ARMH1: variants seen among roughly 807,000 people sequenced by gnomAD.
The protein encoded by ARMH1 is armadillo like helical domain containing 1.
A neutral mutation model predicts 50.2 loss-of-function variants in ARMH1; 34 were observed. That is an observed-to-expected ratio of 0.68 (90% CI 0.51 to 0.90). ARMH1 has a LOEUF of 0.90. Among genes scored for constraint, ARMH1 ranks in the 40% least tolerant of loss-of-function variants. The pLI, the probability that ARMH1 is intolerant of heterozygous loss-of-function variation, is 0.00. For synonymous variants in ARMH1, 221 were observed against 224.2 expected, an observed-to-expected ratio of 0.99 and a Z score of 0.13; for missense variants, 538 against 553.9, an observed-to-expected ratio of 0.97 and a Z score of 0.29.
intron 1 of ARMH1, among the ~76,000 whole-genome samples, chr1:44,679,650 T>A (rs60469789): frequency 0.039 from 5,950 of 152,340 alleles, 294 homozygotes; most frequent in East Asian, 0.15. Context: ...CATTGCTGTT[T>A]CCTGTCATAG....
Position 44,724,712 on chromosome 1 carries a change from C to G in ARMH1, c.1050+44C>G. 1 of 1,490,050 alleles carries G rather than the reference C, an allele frequency of 6.7e-7. No homozygotes were observed. Among genetic ancestry groups the G allele is most frequent in the Non-Finnish European group, 8.9e-7 (1 of 1,126,694 alleles). 92.3% of individuals were successfully genotyped at this position (1,490,050 alleles called of 1,614,324 possible). ...TAGGGGGCGGGAAGGGCGGCGGCACCCGCAGCCCCGTCGCCCCCGCAGTCA... is the reference window on the plus strand; with the variant it reads ...TAGGGGGCGGGAAGGGCGGCGGCACGCGCAGCCCCGTCGCCCCCGCAGTCA... On this transcript the variant is annotated intron_variant, in intron 9 of 11. Transcript: ENST00000535358. The surrounding 1 kb of genome is among the most constrained non-coding windows in gnomAD (Gnocchi z 6.4).
chr1:44,722,333 C>T (rs1357852971), intron 6 of ARMH1, among the ~76,000 whole-genome samples: 1 of 151,994 alleles, frequency 6.6e-6, no homozygotes, highest in Non-Finnish European at 1.5e-5. Flanking sequence ...GTAGGAGGAT[C>T]GCTTGAGCCC....
In ARMH1 at chr1:44,681,197, G is replaced by A. The variant is rs766590465; in HGVS notation, c.-23+6324G>A. On this transcript the variant is annotated intron_variant, in intron 1 of 11. Coordinates refer to ENST00000535358, the MANE Select transcript of ARMH1 (RefSeq NM_001145636.2). The surrounding 1 kb of genome is among the most constrained non-coding windows in gnomAD (Gnocchi z 4.3). ...TTTTTAGTAGAGAGGGGGTTTCACC[G>A]TGTTAGCCAGGATGGTCTCGATCTC... Among the ~76,000 whole-genome samples, 20 of 151,750 alleles carry A rather than the reference G, an allele frequency of 1.3e-4. No individual in the cohort carries two copies. The highest frequency in any genetic ancestry group is 2.6e-4 in the Non-Finnish European group (18 of 67,952).
intron 3 of ARMH1, 38 bp downstream of exon 3, chr1:44,697,208 G>T (rs1156552944): frequency 2.7e-6 from 4 of 1,469,042 alleles, no homozygotes; most frequent in Non-Finnish European, 3.7e-6. Context: ...GGGTCTCAGT[G>T]GCATCTCAGG....
intron 5 of ARMH1, among the ~76,000 whole-genome samples, 172 bp from the exon 6 acceptor site, chr1:44,703,917 A>G (rs896236063): frequency 1.1e-4 from 17 of 150,976 alleles, no homozygotes; most frequent in Admixed American, 2.6e-4. Context: ...TAGTAGAGAC[A>G]GTGTTTCACT....
At chr1:44,713,316 C>G (rs1425267902) in intron 6 of ARMH1, among the ~76,000 whole-genome samples, 1 of 152,024 alleles carries the variant, frequency 6.6e-6, no homozygotes, top group Non-Finnish European at 1.5e-5. Flanking sequence ...CCAGGCTGGT[C>G]TCCAACTCCT....
Position 44,698,155 on chromosome 1 carries a change from A to G in ARMH1, c.368A>G (p.Lys123Arg). Residue 123 changes from lysine (K) to arginine (R), a missense_variant, in exon 4 of 12, where the codon AAG becomes AGG. Coordinates refer to ENST00000535358, the MANE Select transcript of ARMH1 (RefSeq NM_001145636.2). ...GLEKIKEEAK[K>R]ESVKLLQVIA... Reference sequence around the variant, plus strand: ...GAGAAGATCAAGGAGGAGGCCAAGAAGGAATCTGTCAAACTACTTCAGGTT... The same window carrying G: ...GAGAAGATCAAGGAGGAGGCCAAGAGGGAATCTGTCAAACTACTTCAGGTT... 6.4e-7 allele frequency: 1 copy of G among 1,552,418 alleles called. No individual in the cohort carries two copies. The highest frequency in any genetic ancestry group is 8.7e-7 in the Non-Finnish European group (1 of 1,147,148).
At chr1:44,710,464 C>G (rs1646553913) in intron 6 of ARMH1, among the ~76,000 whole-genome samples, 1 of 151,838 alleles carries the variant, frequency 6.6e-6, no homozygotes, top group East Asian at 1.9e-4. Flanking sequence ...AAAAAATTAG[C>G]CGGGCGTGGT....
chr1:44,694,484 A>G (rs535541959), intron 2 of ARMH1, among the ~76,000 whole-genome samples: 59 of 150,096 alleles, frequency 3.9e-4, no homozygotes, highest in African/African-American at 1.2e-3. Context: ...ATTAGTTACC[A>G]TTTATTGAGT....
chr1:44,716,851 CTTTTTTTTTT>C (rs758060030), intron 6 of ARMH1, among the ~76,000 whole-genome samples: 1 of 138,314 alleles, frequency 7.2e-6, no homozygotes, highest in Non-Finnish European at 1.6e-5. Context: ...ATTCTTTTTT[CTTTTTTTTTT>C]TTTTTTTGAG....
At position 44,681,184 on chromosome 1, in the gene ARMH1, A is replaced by G. The variant is rs1032284740; in HGVS notation, c.-23+6311A>G. On this transcript the variant is annotated intron_variant, in intron 1 of 11. Transcript: ENST00000535358. This position sits in a 1 kb window ranked among gnomAD's most constrained non-coding sequence, Gnocchi z 4.3. ...TAACTTTTTGTATTTTTTAGTAGAGAGGGGGTTTCACCGTGTTAGCCAGGA... is the reference window on the plus strand; with the variant it reads ...TAACTTTTTGTATTTTTTAGTAGAGGGGGGGTTTCACCGTGTTAGCCAGGA... Among the ~76,000 whole-genome samples, 1 of 150,976 alleles carries G rather than the reference A, an allele frequency of 6.6e-6. No individual in the cohort carries two copies. Among genetic ancestry groups the G allele is most frequent in the African/African-American group, 2.4e-5 (1 of 40,996 alleles).
chr1:44,700,488 C>T (rs976090392), intron 4 of ARMH1, among the ~76,000 whole-genome samples: 5 of 151,842 alleles, frequency 3.3e-5, no homozygotes, highest in African/African-American at 1.2e-4. Context: ...TGGTGGCACA[C>T]ACCTGTAGTC....
Position 44,697,159 on chromosome 1 carries a change from A to G in ARMH1, c.264A>G (p.Ser88=), listed in dbSNP as rs1645854370. The change falls in exon 3 of 12, where the codon TCA becomes TCG. Residue 88 remains serine (S), a synonymous_variant. Coordinates refer to ENST00000535358, the MANE Select transcript of ARMH1 (RefSeq NM_001145636.2). The stretch of plus-strand genomic sequence containing the variant: ...TCAGGTCCATTGGCATCTTCTTATC[A>G]GCTGTAAGCAGGTGAGTTCTGTTCT... The part of the protein sequence containing the change: ...KLLRSIGIFL[S]AVSSNRYLIE... The G allele has an allele frequency of 6.4e-7, 1 of 1,551,626 alleles. No individual in the cohort carries two copies. The highest frequency in any genetic ancestry group is 1.4e-5 in the African/African-American group (1 of 72,990).
chr1:44,692,447 C>T (rs1645688204), intron 2 of ARMH1, among the ~76,000 whole-genome samples: 1 of 152,100 alleles, frequency 6.6e-6, no homozygotes, highest in South Asian at 2.1e-4. Context: ...TGCTTAATAT[C>T]TCTCTTTCCC....
intron 1 of ARMH1, among the ~76,000 whole-genome samples, chr1:44,684,947 A>G (rs920582400): frequency 2.0e-5 from 3 of 152,120 alleles, no homozygotes; most frequent in African/African-American, 7.2e-5. Flanking sequence ...TGTCTGTAAT[A>G]GCACCCCTGC....
intron 6 of ARMH1, among the ~76,000 whole-genome samples, chr1:44,707,138 GTACCTTCCCCT>G (rs1284750259): frequency 6.6e-6 from 1 of 150,446 alleles, no homozygotes; most frequent in East Asian, 2.0e-4. Context: ...CTCTCAAATG[GTACCTTCCCCT>G]TACATAGACT....
intron 4 of ARMH1, among the ~76,000 whole-genome samples, chr1:44,699,832 ATTTT>A (rs771770605): frequency 8.2e-5 from 10 of 121,638 alleles, no homozygotes; most frequent in East Asian, 2.4e-4. Flanking sequence ...TTCTTTTTCT[ATTTT>A]TTTTTTTTTT....
chr1:44,698,537 G>A (rs571859339), intron 4 of ARMH1, among the ~76,000 whole-genome samples: 2 of 152,302 alleles, frequency 1.3e-5, no homozygotes, highest in South Asian at 2.1e-4. Context: ...GAGGCCGGGC[G>A]CGGTGGCTCA....
rs570925945 is a variant in ARMH1, at chr1:44,687,401, T to C, written c.-22-2275T>C. On this transcript the variant is annotated intron_variant, in intron 1 of 11. Transcript: ENST00000535358. ...GTTACTGATGGTTAGGACTTCAACA[T>C]AGGAATTTGGGGAAAACACAGTTCA... Among the ~76,000 whole-genome samples the C allele has an allele frequency of 5.3e-5, 8 of 152,282 alleles. No individual in the cohort carries two copies. In the South Asian group the frequency reaches 1.2e-3, roughly 24 times the overall value.
Sources: gnomAD v4.1 joint callset for allele counts (sites outside exome capture counted in the v4.1 genomes callset) on GRCh38, gnomAD v4.1.1 for gene constraint, Gnocchi (gnomAD v3.1) non-coding constraint, MANE v1.5 for transcripts, NCBI Gene and HGNC (gene_info 2026-07-23, HGNC 2026-07-21) for gene names.